VPS13D: variants seen among roughly 807,000 people sequenced by gnomAD.
The protein encoded by VPS13D is vacuolar protein sorting 13 homolog D.
In VPS13D, 187 loss-of-function variants were observed where a neutral mutation model predicts 461.9. The ratio of observed to expected loss-of-function variants is 0.40; its 90% confidence interval spans 0.36 to 0.46. VPS13D has a LOEUF of 0.46. Among genes scored for constraint, VPS13D ranks in the 20% least tolerant of loss-of-function variants. The probability of loss-of-function intolerance (pLI) is 0.60; values close to 1 mark genes in which losing one functional copy is unlikely to be tolerated. For missense variants in VPS13D, 4,711 were observed against 5,364.9 expected (o/e 0.88, Z 3.81); for synonymous variants, 1,951 against 1,986.3 (o/e 0.98, Z 0.47).
chr1:12,496,572 G>A (rs1026413547), intron 67 of VPS13D, among the ~76,000 whole-genome samples: 5 of 152,198 alleles, frequency 3.3e-5, no homozygotes, highest in African/African-American at 1.2e-4. Context: ...TTTTGCTTCA[G>A]TGAGCTCCAG....
chr1:12,410,820 T>G (rs1644717018), intron 63 of VPS13D, among the ~76,000 whole-genome samples: 1 of 152,216 alleles, frequency 6.6e-6, no homozygotes. Context: ...CAGTTTCACA[T>G]TTGCAGATAA....
In VPS13D at chr1:12,234,310, G is replaced by A; in HGVS notation, c.44G>A (p.Gly15Glu). 6.2e-7 allele frequency: 1 copy of A among 1,614,090 alleles called. No homozygotes were observed. The highest frequency in any genetic ancestry group is 2.2e-5 in the East Asian group (1 of 44,862). ...GCCTGGGTTCTCAATACCTATTTGG[G>A]AAAATATGTCAATAACCTGAACACT... Reference protein sequence around the residue: ...LVAWVLNTYLGKYVNNLNTDQ... With the variant: ...LVAWVLNTYLEKYVNNLNTDQ... Residue 15 changes from glycine (G) to glutamate (E), a missense_variant, in exon 2 of 70, where the codon GGA (glycine) becomes GAA (glutamate). This residue lies in a region of VPS13D where 4,411 missense variants were observed against 4,937.8 expected (regional missense o/e 0.89). Transcript: ENST00000620676.
At chr1:12,310,813 CTCCCTCCTTCCCTCCTTCCTTCCT>C (rs1642720423) in intron 27 of VPS13D, among the ~76,000 whole-genome samples, 2 of 115,802 alleles carry the variant, frequency 1.7e-5, no homozygotes, top group East Asian at 2.5e-4. Context: ...CCCTCCCTCC[CTCCCTCCTTCCCTCCTTCCTTCCT>C]TCCCTCCTTC....
rs1348856673 is a variant in VPS13D, at chr1:12,440,090, C to G, written c.12334-15908C>G. Among the ~76,000 whole-genome samples the G allele has an allele frequency of 3.9e-5, 6 of 152,224 alleles. No homozygotes were observed. The East Asian group carries it at 9.6e-4, about 24-fold the overall frequency. On this transcript the variant is annotated intron_variant, in intron 65 of 69. Transcript: ENST00000620676. ...CCCTAGATGCTGCCTGTTGGATACT[C>G]CACTAAGCTTTCTACATTGCCGCCC...
intron 63 of VPS13D, among the ~76,000 whole-genome samples, chr1:12,413,436 G>C (rs992241170): frequency 6.6e-6 from 1 of 152,146 alleles, no homozygotes; most frequent in African/African-American, 2.4e-5. Context: ...TCCCGCCACT[G>C]TACTCCAGCC....
Position 12,386,197 on chromosome 1 carries a change from T to A in VPS13D, c.11497T>A (p.Leu3833Ile), listed in dbSNP as rs1644349088. Reference protein sequence around the residue: ...TEQELEVLVRLEGGIGLSLIN... With the variant: ...TEQELEVLVRIEGGIGLSLIN... ...GGTTTCCTTTCAGGTGCTTGTGAGG[T>A]TAGAAGGTGGAATTGGGTTGTCCTT... Residue 3833 changes from leucine to isoleucine, a missense_variant, in exon 60 of 70, where the codon TTA (leucine) becomes ATA (isoleucine). This residue lies in a region of VPS13D where 4,411 missense variants were observed against 4,937.8 expected (regional missense o/e 0.89). Transcript: ENST00000620676. The A allele has an allele frequency of 1.9e-6, 3 of 1,611,496 alleles. No individual in the cohort carries two copies. The African/African-American group carries it at 4.0e-5, about 22-fold the overall frequency.
At position 12,242,687 on chromosome 1, in the gene VPS13D, A is replaced by G. The variant is rs562365792; in HGVS notation, c.175+97A>G. The G allele has an allele frequency of 1.9e-5, 21 of 1,090,010 alleles. No individual in the cohort carries two copies. In the South Asian group the frequency reaches 2.6e-4, roughly 13 times the overall value. The allele number at this position is 1,090,010 out of a possible 1,614,324, so 67.5% of individuals were successfully genotyped here. On this transcript the variant is annotated intron_variant, in intron 3 of 69. Coordinates refer to ENST00000620676, the MANE Select transcript of VPS13D (RefSeq NM_015378.4). ...GGAGTTTGTATTGATTTGGCCAGTTAGAGGAAGGATATAGCAAATGTTAGA... is the reference window on the plus strand; with the variant it reads ...GGAGTTTGTATTGATTTGGCCAGTTGGAGGAAGGATATAGCAAATGTTAGA...
In VPS13D at chr1:12,268,767, C is replaced by T. The variant is rs368522628; in HGVS notation, c.1863C>T (p.His621=). 6.2e-7 allele frequency: 1 copy of T among 1,614,002 alleles called. No individual in the cohort carries two copies. The highest frequency in any genetic ancestry group is 1.3e-5 in the African/African-American group (1 of 74,900). Reference sequence around the variant, plus strand: ...ATGAGAGAAATCCGGCGCACAGCCACTTTGAGAGGCGGCTCAATGTCAGCA... The same window carrying T: ...ATGAGAGAAATCCGGCGCACAGCCATTTTGAGAGGCGGCTCAATGTCAGCA... ...MLYERNPAHS[H]FERRLNVSTR... is the part of the protein sequence containing the mutation. Residue 621 remains histidine, a synonymous_variant, in exon 16 of 70, where the codon CAC becomes CAT. Transcript: ENST00000620676.
chr1:12,305,215 A>G (rs1642529058), intron 26 of VPS13D, among the ~76,000 whole-genome samples: 1 of 152,234 alleles, frequency 6.6e-6, no homozygotes, highest in African/African-American at 2.4e-5. Flanking sequence ...TCTTCTCTCC[A>G]ATATAAGAAT....
chr1:12,245,520 G>C (rs958329156), intron 5 of VPS13D, among the ~76,000 whole-genome samples: 1 of 152,028 alleles, frequency 6.6e-6, no homozygotes, highest in African/African-American at 2.4e-5. Context: ...TTGTGCGTTG[G>C]TCACCACTAA....
At position 12,311,509 on chromosome 1, in the gene VPS13D, C is replaced by A. The variant is rs1642747907; in HGVS notation, c.6706C>A (p.His2236Asn). 1 of 1,614,006 alleles carries A rather than the reference C, an allele frequency of 6.2e-7. No individual in the cohort carries two copies. Among genetic ancestry groups the A allele is most frequent in the African/African-American group, 1.3e-5 (1 of 74,894 alleles). ...TATCCATGGCAATCTCTCCTCAGTC[C>A]ACTGCTCTCTGGATCTGTATAAATA... ...ISIHGNLSSV[H>N]CSLDLYKYKL... is the part of the protein sequence containing the mutation. The change falls in exon 28 of 70, where the codon CAC (histidine) becomes AAC (asparagine). Residue 2236 changes from histidine to asparagine, a missense_variant. Around this residue, in one of 3 missense-constraint regions of VPS13D, gnomAD observed 4,411 missense variants for 4,937.8 expected, o/e 0.89. Coordinates refer to ENST00000620676, the MANE Select transcript of VPS13D (RefSeq NM_015378.4).
At chr1:12,338,369 A>ATTT in intron 40 of VPS13D, 64 bp downstream of exon 40, 1 of 1,263,974 alleles carries the variant, frequency 7.9e-7, no homozygotes, top group Non-Finnish European at 1.1e-6. Context: ...TTGTACATCA[A>ATTT]TTTTTTTTTT....
chr1:12,358,454 C>T lies in VPS13D; in HGVS notation c.9999-5C>T. 6.2e-7 allele frequency: 1 copy of T among 1,613,718 alleles called. No homozygotes were observed. The highest frequency in any genetic ancestry group is 1.1e-5 in the South Asian group (1 of 90,982). On this transcript the variant is annotated splice_region_variant and splice_polypyrimidine_tract_variant and intron_variant, in intron 49 of 69. Coordinates refer to ENST00000620676, the MANE Select transcript of VPS13D (RefSeq NM_015378.4). ...TATCTACATCTTTGCTTTTCTGCCC[C>T]ACAGCTGCACGATGAGAATCGGAAG... is the stretch of plus-strand genomic sequence containing the variant.
chr1:12,236,859 C>G (rs1557656043), intron 2 of VPS13D, among the ~76,000 whole-genome samples: 1 of 152,100 alleles, frequency 6.6e-6, no homozygotes, highest in African/African-American at 2.4e-5. Flanking sequence ...TCATGCTTCA[C>G]TCTCCCTTTT....
intron 69 of VPS13D, among the ~76,000 whole-genome samples, chr1:12,508,683 C>T (rs1646145954): frequency 6.6e-6 from 1 of 150,698 alleles, no homozygotes. Context: ...GCGACAGAGA[C>T]TCCGTCTCAA....
intron 60 of VPS13D, among the ~76,000 whole-genome samples, chr1:12,391,100 A>C (rs1358332373): frequency 1.3e-5 from 2 of 152,210 alleles, no homozygotes; most frequent in Non-Finnish European, 2.9e-5. Flanking sequence ...CCATCCAGCC[A>C]AATCATTGGC....
rs1557754763 is a variant in VPS13D at position 12,396,022 on chromosome 1, TATATATA to T, written c.11635-4158_11635-4152del. Among the ~76,000 whole-genome samples the T allele has an allele frequency of 7.7e-3, 1,058 of 138,274 alleles. 70 individuals carry two copies. Among genetic ancestry groups the T allele is most frequent in the African/African-American group, 0.018 (630 of 35,514 alleles). 90.7% of individuals were successfully genotyped at this position (138,274 alleles called of 152,430 possible). Reference sequence around the variant, plus strand: ...ATATATATATATATATATATATATATATATATAGTTCTTTAAGATCAATAAAATTAAT... The same window carrying T: ...ATATATATATATATATATATATATATGTTCTTTAAGATCAATAAAATTAAT... On this transcript the variant is annotated intron_variant, in intron 60 of 69. Coordinates refer to ENST00000620676, the MANE Select transcript of VPS13D (RefSeq NM_015378.4).
Position 12,387,544 on chromosome 1 carries a change from A to G in VPS13D, c.11634+1210A>G, listed in dbSNP as rs559920074. Among the ~76,000 whole-genome samples, 5 of 152,098 alleles carry G rather than the reference A, an allele frequency of 3.3e-5. No homozygotes were observed. The South Asian group carries it at 1.1e-3, about 32-fold the overall frequency. On this transcript the variant is annotated intron_variant, in intron 60 of 69. Coordinates refer to ENST00000620676, the MANE Select transcript of VPS13D (RefSeq NM_015378.4). ...TAATGTAACTGTATTCTCTGTGTTC[A>G]AAAGGTTAAGTAGGGAGACTAATTG...
In VPS13D at chr1:12,244,416, G is replaced by A; in HGVS notation, c.346G>A (p.Ala116Thr). The change falls in exon 4 of 70, where the codon GCC (alanine) becomes ACC (threonine). Residue 116 changes from alanine (A) to threonine (T), a missense_variant. Ala to Thr is a moderately conservative substitution (Grantham distance 58). Transcript: ENST00000620676. The stretch of plus-strand genomic sequence containing the variant: ...GGAACGTAAGAAAGCACTACTTCAA[G>A]CCCTGGAGGAGAAATGGAAGGCAAG... Reference protein sequence around the residue: ...ERERKKALLQALEEKWKNDRQ... With the variant: ...ERERKKALLQTLEEKWKNDRQ... 6.2e-7 allele frequency: 1 copy of A among 1,614,156 alleles called. No homozygotes were observed. Among genetic ancestry groups the A allele is most frequent in the Non-Finnish European group, 8.5e-7 (1 of 1,180,012 alleles).
Sources: gnomAD v4.1 joint callset for allele counts (sites outside exome capture counted in the v4.1 genomes callset) on GRCh38, gnomAD v4.1.1 for gene constraint, gnomAD v4.1.1 regional missense constraint, MANE v1.5 for transcripts, NCBI Gene and HGNC (gene_info 2026-07-23, HGNC 2026-07-21) for gene names.